Variants in KIF4A observed in about 807,000 individuals in gnomAD.
The protein encoded by KIF4A is chromosome-associated kinesin KIF4A.
KIF4A carries 7 observed loss-of-function variants against 105.9 expected under a neutral mutation model. That is an observed-to-expected ratio of 0.07 (90% confidence interval 0.04 to 0.12). The LOEUF (loss-of-function observed/expected upper bound fraction) is 0.12, where lower values mean the gene tolerates loss of function less well. KIF4A is among the 10% of genes least tolerant of loss of function. The probability of loss-of-function intolerance (pLI) is 1.00; values close to 1 mark genes in which losing one functional copy is unlikely to be tolerated. For synonymous variants in KIF4A, 281 were observed against 331.3 expected (o/e 0.85, Z 1.65); for missense variants, 558 against 929.2 (o/e 0.60, Z 5.19).
At chrX:70,326,180 T>C (rs1405002507) in intron 7 of KIF4A, among the ~76,000 whole-genome samples, 1 of 112,310 alleles carries the variant, frequency 8.9e-6, no homozygotes, top group Non-Finnish European at 1.9e-5. Context: ...TTTAGGCCCA[T>C]ACATATTTTC....
intron 15 of KIF4A, among the ~76,000 whole-genome samples, chrX:70,370,373 A>G (rs1483062331): frequency 9.2e-6 from 1 of 109,252 alleles, no homozygotes; most frequent in African/African-American, 3.3e-5. Flanking sequence ...CTTGACCTTT[A>G]CAAGTATTAT....
intron 5 of KIF4A, among the ~76,000 whole-genome samples, chrX:70,299,606 G>A (rs1023731687): frequency 1.8e-5 from 2 of 111,165 alleles, no homozygotes; most frequent in African/African-American, 6.5e-5. Context: ...GCTACATATG[G>A]CTAGTGGTAA....
chrX:70,392,861 T>TAATA (rs1569250037), intron 20 of KIF4A, among the ~76,000 whole-genome samples: 2 of 104,751 alleles, frequency 1.9e-5, no homozygotes, highest in African/African-American at 7.1e-5. Context: ...TAATAATAAT[T>TAATA]ATTATTATTA....
At chrX:70,417,312 G>A (rs1345006307) in intron 28 of KIF4A, among the ~76,000 whole-genome samples, 4 of 111,704 alleles carry the variant, frequency 3.6e-5, no homozygotes, top group African/African-American at 6.5e-5. Context: ...AGACCAGCCT[G>A]GGCAACATGG....
intron 18 of KIF4A, among the ~76,000 whole-genome samples, chrX:70,379,107 G>A (rs2086186601): frequency 9.3e-6 from 1 of 107,875 alleles, no homozygotes; most frequent in South Asian, 4.2e-4. Flanking sequence ...AGCTTGCAGT[G>A]AGCAGAGATC....
intron 29 of KIF4A, 129 bp from the exon 30 acceptor site, chrX:70,419,532 C>T: frequency 1.3e-6 from 1 of 769,252 alleles, no homozygotes; most frequent in South Asian, 2.4e-5. Context: ...CAAGCAGGGC[C>T]TCCCTAAGAC....
At chrX:70,415,091 G>A (rs148654896) in intron 28 of KIF4A, among the ~76,000 whole-genome samples, 3,610 of 112,013 alleles carry the variant, frequency 0.032, 59 homozygotes, top group Non-Finnish European at 0.048. Flanking sequence ...TTAATAAATG[G>A]AAAGCCCTTA....
chrX:70,340,998 T>C (rs979958092), intron 10 of KIF4A, among the ~76,000 whole-genome samples: 2 of 111,786 alleles, frequency 1.8e-5, no homozygotes, highest in Non-Finnish European at 3.8e-5. Flanking sequence ...TTTACTAGTC[T>C]GGAACTGATA....
intron 7 of KIF4A, among the ~76,000 whole-genome samples, chrX:70,319,685 A>G (rs1318239999): frequency 8.9e-6 from 1 of 112,671 alleles, no homozygotes; most frequent in Non-Finnish European, 1.9e-5. Flanking sequence ...TTATTGAAGT[A>G]TAATGTGGAA....
chrX:70,332,582 G>C (rs1329820028), intron 9 of KIF4A, among the ~76,000 whole-genome samples: 1 of 111,910 alleles, frequency 8.9e-6, no homozygotes, highest in Non-Finnish European at 1.9e-5. Context: ...GGGCAAGAGA[G>C]ATAGGAAGTG....
At chrX:70,397,811 C>T (rs2086265955) in intron 22 of KIF4A, among the ~76,000 whole-genome samples, 1 of 112,147 alleles carries the variant, frequency 8.9e-6, no homozygotes, top group South Asian at 3.7e-4. Context: ...CTTTGTGCTA[C>T]ACTGGATGCA....
chrX:70,352,726 T>A, intron 14 of KIF4A, 70 bp downstream of exon 14: 1 of 704,126 alleles, frequency 1.4e-6, no homozygotes, highest in Non-Finnish European at 2.2e-6. Context: ...ATCACTCAAC[T>A]GAAAAAGAGA....
Position 70,406,998 on chromosome X carries a change from G to C in KIF4A, c.3178G>C (p.Gly1060Arg), listed in dbSNP as rs1347491581. ...HSVNEHEDGD[G>R]DDDEGDDEEW... ...TGTGAATGAGCATGAGGATGGTGAT[G>C]GTGATGATGATGAGGGGGATGACGA... Residue 1060 changes from glycine to arginine, a missense_variant, in exon 28 of 31, where the codon GGT (glycine) becomes CGT (arginine). Coordinates refer to ENST00000374403, the MANE Select transcript of KIF4A (RefSeq NM_012310.5). The C allele has an allele frequency of 8.3e-7, 1 of 1,210,889 alleles. No individual in the cohort carries two copies. The highest frequency in any genetic ancestry group is 2.2e-5 in the Admixed American group (1 of 45,989).
intron 22 of KIF4A, among the ~76,000 whole-genome samples, chrX:70,399,901 TG>T (rs2086274021): frequency 9.9e-6 from 1 of 100,950 alleles, no homozygotes; most frequent in Non-Finnish European, 2.0e-5. Context: ...TGTATACATA[TG>T]TAACCTGCAC....
At chrX:70,389,412 C>A (rs1282760906) in intron 20 of KIF4A, among the ~76,000 whole-genome samples, 3 of 111,670 alleles carry the variant, frequency 2.7e-5, no homozygotes, top group Non-Finnish European at 5.7e-5. Context: ...ACTAAAAATA[C>A]AAAAAATTAG....
chrX:70,363,640 A>AT (rs1312695026), intron 15 of KIF4A, among the ~76,000 whole-genome samples: 2 of 112,041 alleles, frequency 1.8e-5, no homozygotes, highest in East Asian at 5.6e-4. Flanking sequence ...CCAGTCTATC[A>AT]TTGTTGGACA....
intron 7 of KIF4A, among the ~76,000 whole-genome samples, chrX:70,323,810 A>ATATTTATTTATTTATT (rs34799069): frequency 3.6e-4 from 34 of 94,614 alleles, no homozygotes; most frequent in South Asian, 1.1e-3. Flanking sequence ...CTGGCATTTA[A>ATATTTATTTATTTATT]TATTTATTTA....
intron 13 of KIF4A, among the ~76,000 whole-genome samples, chrX:70,350,476 CGGGAGAGGGAGA>C (rs1315196143): frequency 1.4e-3 from 135 of 95,676 alleles, no homozygotes; most frequent in Non-Finnish European, 1.6e-3. Flanking sequence ...CAGAGGGAGA[CGGGAGAGGGAGA>C]GGGAGAGGGA....
At chrX:70,369,204 G>A (rs1274526702) in intron 15 of KIF4A, among the ~76,000 whole-genome samples, 1 of 112,333 alleles carries the variant, frequency 8.9e-6, no homozygotes, top group Non-Finnish European at 1.9e-5. Context: ...TCCTGGGTGA[G>A]GCGATGCCTC....
Sources: gnomAD v4.1 joint callset for allele counts (sites outside exome capture counted in the v4.1 genomes callset) on GRCh38, gnomAD v4.1.1 for gene constraint, MANE v1.5 for transcripts, NCBI Gene and HGNC (gene_info 2026-07-23, HGNC 2026-07-21) for gene names.